The following IGF2R variants were observed in gnomAD, a reference collection of about 807,000 sequenced individuals.
The protein encoded by IGF2R is insulin like growth factor 2 receptor.
IGF2R carries 91 observed loss-of-function variants against 270.6 expected under a neutral mutation model. That is an observed-to-expected ratio of 0.34 (90% CI 0.28 to 0.40). The LOEUF is 0.40. Ranked by LOEUF, IGF2R falls within the 10% of genes least tolerant of loss-of-function variation. The pLI is 1.00. For missense variants in IGF2R, 2,805 were observed against 3,188.3 expected, an observed-to-expected ratio of 0.88 and a Z score of 2.90; for synonymous variants, 1,316 against 1,258.9, an observed-to-expected ratio of 1.05 and a Z score of -0.96.
intron 21 of IGF2R, 26 bp from the exon 22 acceptor site, chr6:160,058,880 T>G: frequency 6.2e-7 from 1 of 1,607,002 alleles, no homozygotes; most frequent in Non-Finnish European, 8.5e-7. Flanking sequence ...AATTTGTTTG[T>G]ATGGCTCTTA....
intron 4 of IGF2R, among the ~76,000 whole-genome samples, chr6:160,012,358 C>A (rs148971219): frequency 6.6e-6 from 1 of 152,244 alleles, no homozygotes; most frequent in East Asian, 1.9e-4. Flanking sequence ...ACACCTGAGA[C>A]TGGGTAATTT....
At chr6:160,064,718 C>T (rs1778523969) in intron 28 of IGF2R, 86 bp from the exon 29 acceptor site, 4 of 1,142,046 alleles carry the variant, frequency 3.5e-6, no homozygotes, top group Non-Finnish European at 5.2e-6. Context: ...CGTAACCATT[C>T]TTTACTATTT....
intron 5 of IGF2R, among the ~76,000 whole-genome samples, chr6:160,026,103 C>T (rs1412952989): frequency 6.6e-6 from 1 of 152,220 alleles, no homozygotes; most frequent in Non-Finnish European, 1.5e-5. Flanking sequence ...CCATCATGTG[C>T]TTACCTCCTT....
rs753466326 is a variant in IGF2R, at chr6:160,103,855, C to T, written c.7065+40C>T. 4.8e-5 allele frequency: 65 copies of T among 1,365,858 alleles called. 1 individual carries two copies. The highest frequency in any genetic ancestry group is 2.1e-4 in the East Asian group (9 of 43,696). 84.6% of individuals were successfully genotyped at this position (1,365,858 alleles called of 1,614,324 possible). ...CGAGTCTCTTGAAGGCCTGCCTCCC[C>T]GGCCCCCTGTGCTGCGCTGTCCATG... On this transcript the variant is annotated intron_variant, in intron 47 of 47. Transcript: ENST00000356956.
chr6:160,052,716 G>A (rs1778226150), intron 19 of IGF2R, among the ~76,000 whole-genome samples: 2 of 152,280 alleles, frequency 1.3e-5, no homozygotes, highest in South Asian at 4.1e-4. Flanking sequence ...AAACAGCATG[G>A]TACTGGTGCA....
In IGF2R at chr6:160,073,457, C is replaced by T; in HGVS notation, c.4935C>T (p.Ala1645=). 2 of 1,614,218 alleles carry T rather than the reference C, an allele frequency of 1.2e-6. No homozygotes were observed. The highest frequency in any genetic ancestry group is 1.7e-6 in the Non-Finnish European group (2 of 1,180,032). The change falls in exon 34 of 48, where the codon GCC becomes GCT. Residue 1645 remains alanine (A), a synonymous_variant. Coordinates refer to ENST00000356956, the MANE Select transcript of IGF2R (RefSeq NM_000876.4). ...TCTTCTCCTGGCACACGCCGCTGGC[C>T]TGCGAGCAAGCGGTGAGTTTTCAGA... ...TLFFSWHTPL[A]CEQATECSVR... is the part of the protein sequence containing the mutation.
chr6:159,985,604 A>AT (rs1329953494), intron 1 of IGF2R, among the ~76,000 whole-genome samples: 1 of 152,240 alleles, frequency 6.6e-6, no homozygotes, highest in African/African-American at 2.4e-5. Context: ...GAGGGAAGAC[A>AT]TTACTGTCCC....
chr6:160,052,915 C>T (rs11758248), intron 19 of IGF2R, among the ~76,000 whole-genome samples: 1 of 152,036 alleles, frequency 6.6e-6, no homozygotes, highest in Non-Finnish European at 1.5e-5. Context: ...TTCCTTACAC[C>T]TGAGACAAAA....
rs1778845649 is a variant in IGF2R, at chr6:160,075,889, G to A, written c.5209G>A (p.Ala1737Thr). The change falls in exon 36 of 48, where the codon GCA (alanine) becomes ACA (threonine). Residue 1737 changes from alanine to threonine, a missense_variant. This residue lies in a region of IGF2R where 1,851 missense variants were observed against 2,207.2 expected (regional missense o/e 0.84). Transcript: ENST00000356956. ...AGGACCACCAATACTCAATCCAATA[G>A]CAAATGAGATTTACTTGAATTTTGA... is the stretch of plus-strand genomic sequence containing the variant. The part of the protein sequence containing the change: ...VAGPPILNPI[A>T]NEIYLNFESS... The A allele has an allele frequency of 6.2e-7, 1 of 1,614,106 alleles. No homozygotes were observed. The highest frequency in any genetic ancestry group is 1.1e-5 in the South Asian group (1 of 91,080).
At chr6:160,067,188 G>C (rs551602405) in intron 29 of IGF2R, among the ~76,000 whole-genome samples, 5 of 152,064 alleles carry the variant, frequency 3.3e-5, no homozygotes, top group African/African-American at 1.2e-4. Flanking sequence ...TGTCTTTCTC[G>C]GGTCATGTCG....
intron 41 of IGF2R, 124 bp downstream of exon 41, chr6:160,085,255 C>A: frequency 9.9e-7 from 1 of 1,007,048 alleles, no homozygotes; most frequent in East Asian, 2.6e-5. Flanking sequence ...GATATGATTG[C>A]CTGTCACTGT....
intron 35 of IGF2R, among the ~76,000 whole-genome samples, chr6:160,075,360 T>C (rs747284955): frequency 1.2e-4 from 18 of 152,168 alleles, no homozygotes; most frequent in Non-Finnish European, 2.6e-4. Flanking sequence ...CCCAAGGACA[T>C]AGCCAGTGGT....
rs1778641198 is a variant in IGF2R at position 160,068,467 on chromosome 6, GGGT to G, written c.4252+89_4252+91del. On this transcript the variant is annotated intron_variant, in intron 30 of 47. Transcript: ENST00000356956. The stretch of plus-strand genomic sequence containing the variant: ...ACTGGTGAGAGGGGGCCTCCTCGTG[GGGT>G]GGTGGTTGTAGTGAGTGTATCACAG... 2.5e-6 allele frequency: 4 copies of G among 1,573,154 alleles called. No individual in the cohort carries two copies. The African/African-American group carries it at 5.4e-5, about 21-fold the overall frequency.
chr6:160,044,461 C>T (rs556571034), intron 12 of IGF2R, 53 bp from the exon 13 acceptor site: 81 of 1,237,666 alleles, frequency 6.5e-5, no homozygotes, highest in African/African-American at 1.0e-4. Context: ...TCTTTGTCTG[C>T]GTGATGATCA....
intron 19 of IGF2R, among the ~76,000 whole-genome samples, chr6:160,054,640 A>G (rs1181339798): frequency 6.6e-6 from 1 of 152,188 alleles, no homozygotes; most frequent in Admixed American, 6.5e-5. Flanking sequence ...CCCGTCATGG[A>G]CAGGAATGCA....
At chr6:160,068,123 A>T in intron 29 of IGF2R, 126 bp from the exon 30 acceptor site, 1 of 869,686 alleles carries the variant, frequency 1.1e-6, no homozygotes, top group South Asian at 1.6e-5. Context: ...AGACAGAGAG[A>T]AGTCGAGTCT....
intron 31 of IGF2R, 36 bp from the exon 32 acceptor site, chr6:160,071,874 G>C: frequency 1.9e-6 from 3 of 1,606,212 alleles, no homozygotes; most frequent in Admixed American, 1.7e-5. Flanking sequence ...GAGTTTTTGC[G>C]TGATCCCTTC....
intron 42 of IGF2R, among the ~76,000 whole-genome samples, chr6:160,088,637 C>A (rs1009378198): frequency 6.6e-6 from 1 of 152,130 alleles, no homozygotes; most frequent in Non-Finnish European, 1.5e-5. Context: ...AGAACTGATT[C>A]CTTCCAGACG....
rs1165505340 is a variant in IGF2R at position 160,104,845 on chromosome 6, G to A, written c.7237G>A (p.Val2413Ile). ...GGATGACCAGGACAGTGAGGATGAG[G>A]TTCTGACCATCCCAGAGGTGAAAGT... is the stretch of plus-strand genomic sequence containing the variant. ...HGDDQDSEDEVLTIPEVKVHS... is the reference protein window; with the variant it reads ...HGDDQDSEDEILTIPEVKVHS... The change falls in exon 48 of 48, where the codon GTT (valine) becomes ATT (isoleucine). Residue 2413 changes from valine (V) to isoleucine (I), a missense_variant. Around this residue, in one of 2 missense-constraint regions of IGF2R, gnomAD observed 1,851 missense variants for 2,207.2 expected, o/e 0.84. Transcript: ENST00000356956. 6.2e-7 allele frequency: 1 copy of A among 1,614,230 alleles called. No homozygotes were observed. The highest frequency in any genetic ancestry group is 8.5e-7 in the Non-Finnish European group (1 of 1,180,050).
Sources: gnomAD v4.1 joint callset for allele counts (sites outside exome capture counted in the v4.1 genomes callset) on GRCh38, gnomAD v4.1.1 for gene constraint, gnomAD v4.1.1 regional missense constraint, MANE v1.5 for transcripts, NCBI Gene and HGNC (gene_info 2026-07-23, HGNC 2026-07-21) for gene names.